The following SLC2A9 variants were observed in gnomAD, a reference collection of about 807,000 sequenced individuals.
The protein encoded by SLC2A9 is solute carrier family 2, facilitated glucose transporter member 9.
In SLC2A9, 39 loss-of-function variants were observed where a neutral mutation model predicts 50.6. The ratio of observed to expected loss-of-function variants is 0.77; its 90% CI spans 0.60 to 1.01. The LOEUF (loss-of-function observed/expected upper bound fraction) is 1.01. Among genes scored for constraint, SLC2A9 ranks in the 50% least tolerant of loss-of-function variants. The pLI is 0.00. For missense variants in SLC2A9, 686 were observed against 677.6 expected, an observed-to-expected ratio of 1.01 and a Z score of -0.14; for synonymous variants, 324 against 276.9, an observed-to-expected ratio of 1.17 and a Z score of -1.69.
chr4:9,801,836 C>T (rs1033283722), intron 3 of SLC2A9, among the ~76,000 whole-genome samples: 5 of 152,156 alleles, frequency 3.3e-5, no homozygotes, highest in South Asian at 2.1e-4. Flanking sequence ...ATAGGGAGAC[C>T]GGCCAAAGAG....
chr4:9,963,657 G>A (rs1444536127), intron 5 of SLC2A9, among the ~76,000 whole-genome samples: 1 of 152,146 alleles, frequency 6.6e-6, no homozygotes, highest in African/African-American at 2.4e-5. Context: ...CTGCTCGCTG[G>A]GTTTTGCAGG....
chr4:9,996,879 G>A lies in SLC2A9; in HGVS notation c.312C>T (p.Asp104=), dbSNP rs76019222. 2.2e-5 allele frequency: 35 copies of A among 1,614,172 alleles called. No individual in the cohort carries two copies. Among genetic ancestry groups the A allele is most frequent in the Admixed American group, 1.0e-4 (6 of 60,028 alleles). The part of the protein sequence containing the change: ...ERRHGRPIDP[D]TLTLLWSVTV... ...TCACAGACCAGAGCAAAGTCAGAGT[G>A]TCTGGGTCTATTGGACGTCCATGCC... Residue 104 remains aspartate, a synonymous_variant, in exon 3 of 12, where the codon GAC becomes GAT. Transcript: ENST00000264784.
At chr4:9,902,241 C>T (rs973037422) in intron 8 of SLC2A9, among the ~76,000 whole-genome samples, 3 of 152,208 alleles carry the variant, frequency 2.0e-5, no homozygotes, top group African/African-American at 4.8e-5. Context: ...GTGTGGGGTA[C>T]TCCCTTGTTA....
At chr4:9,919,529 G>A (rs1434306045) in intron 7 of SLC2A9, among the ~76,000 whole-genome samples, 1 of 150,334 alleles carries the variant, frequency 6.7e-6, no homozygotes, top group African/African-American at 2.5e-5. Flanking sequence ...CTGGTCTCAC[G>A]CTTATTTAGT....
chr4:9,869,614 G>A (rs1285327147), intron 10 of SLC2A9, among the ~76,000 whole-genome samples: 1 of 152,196 alleles, frequency 6.6e-6, no homozygotes, highest in East Asian at 1.9e-4. Context: ...TTGGCAATAT[G>A]TCAATTATTA....
downstream of SLC2A9, among the ~76,000 whole-genome samples, chr4:9,779,079 T>G (rs1380344745): frequency 6.6e-6 from 1 of 152,152 alleles, no homozygotes; most frequent in Non-Finnish European, 1.5e-5. Flanking sequence ...CTCATCACAC[T>G]TTCTAAACGA....
intron 6 of SLC2A9, among the ~76,000 whole-genome samples, chr4:9,938,844 C>T (rs76289526): frequency 0.013 from 1,940 of 152,224 alleles, 50 homozygotes; most frequent in African/African-American, 0.044. Context: ...TTCTCCTAAA[C>T]TGACAAGGGT....
chr4:9,823,957 GT>G (rs1336573652), downstream of SLC2A9, among the ~76,000 whole-genome samples: 8 of 152,112 alleles, frequency 5.3e-5, no homozygotes, highest in African/African-American at 1.7e-4. Context: ...GTGTCTTATT[GT>G]TTTATTTTTC....
At chr4:9,956,837 A>C (rs1216923816) in intron 5 of SLC2A9, among the ~76,000 whole-genome samples, 1 of 152,244 alleles carries the variant, frequency 6.6e-6, no homozygotes, top group Non-Finnish European at 1.5e-5. Flanking sequence ...TAAACGTGGC[A>C]GTACAGACAT....
chr4:9,834,739 G>T, intron 11 of SLC2A9, 142 bp downstream of exon 11: 1 of 1,349,090 alleles, frequency 7.4e-7, no homozygotes, highest in Non-Finnish European at 1.0e-6. Context: ...TTTGCCCAAA[G>T]CATAGTTTCT....
At chr4:9,968,768 T>C (rs1753439730) in intron 5 of SLC2A9, among the ~76,000 whole-genome samples, 1 of 152,214 alleles carries the variant, frequency 6.6e-6, no homozygotes, top group African/African-American at 2.4e-5. Context: ...TTTCATTGCC[T>C]TTTTAGTAAC....
chr4:9,795,389 G>A (rs1720475883), downstream of SLC2A9, among the ~76,000 whole-genome samples: 1 of 152,124 alleles, frequency 6.6e-6, no homozygotes, highest in Admixed American at 6.6e-5. Flanking sequence ...GAGAAAACTT[G>A]CTTGTAGGTG....
chr4:9,805,057 C>T (rs530570496), intron 3 of SLC2A9, among the ~76,000 whole-genome samples: 1 of 152,350 alleles, frequency 6.6e-6, no homozygotes, highest in African/African-American at 2.4e-5. Flanking sequence ...CCTGGCCTCG[C>T]CCTCTGCCGG....
Position 9,963,930 on chromosome 4 carries a change from G to T in SLC2A9, c.681+16662C>A, listed in dbSNP as rs540659999. Reference sequence around the variant, plus strand: ...GTCTCATTTAACAAACACCCAACACGCTTGTTAATTCCAATGTGCTGTCTA... The same window carrying T: ...GTCTCATTTAACAAACACCCAACACTCTTGTTAATTCCAATGTGCTGTCTA... On this transcript the variant is annotated intron_variant, in intron 5 of 11. Transcript: ENST00000264784. Among the ~76,000 whole-genome samples, 12 of 152,278 alleles carry T rather than the reference G, an allele frequency of 7.9e-5. No homozygotes were observed. In the South Asian group the frequency reaches 2.1e-3, roughly 26 times the overall value.
At chr4:10,030,076 C>A (rs1010474548) in intron 1 of SLC2A9, among the ~76,000 whole-genome samples, 2 of 151,926 alleles carry the variant, frequency 1.3e-5, no homozygotes, top group Non-Finnish European at 2.9e-5. Context: ...ATATGAATAC[C>A]CAAAACATGT....
downstream of SLC2A9, among the ~76,000 whole-genome samples, chr4:9,778,222 G>GC (rs1375979338): frequency 1.3e-5 from 2 of 151,714 alleles, no homozygotes; most frequent in African/African-American, 4.8e-5. Context: ...TAATTCTCCT[G>GC]CCTCAGCCAC....
intron 10 of SLC2A9, among the ~76,000 whole-genome samples, chr4:9,846,154 G>A (rs1728959005): frequency 6.6e-6 from 1 of 152,198 alleles, no homozygotes; most frequent in African/African-American, 2.4e-5. Flanking sequence ...CAAGAGATCC[G>A]GACCCAGGTA....
At chr4:9,854,930 T>A (rs1237072467) in intron 10 of SLC2A9, among the ~76,000 whole-genome samples, 1 of 152,090 alleles carries the variant, frequency 6.6e-6, no homozygotes, top group Non-Finnish European at 1.5e-5. Flanking sequence ...TTAAAAACCC[T>A]CCACAACTTG....
Position 9,826,259 on chromosome 4 carries a change from A to G in SLC2A9, c.*138T>C, listed in dbSNP as rs2109075061. The G allele has an allele frequency of 3.9e-6, 3 of 777,618 alleles. No individual in the cohort carries two copies. Among genetic ancestry groups the G allele is most frequent in the Non-Finnish European group, 6.4e-6 (3 of 465,314 alleles). 48.2% of individuals were successfully genotyped at this position (777,618 alleles called of 1,614,324 possible). ...ACAGGTTTACTTTTAAATATTTAAT[A>G]ATATAAAAGACTTGCATAGCTTCAA... On this transcript the variant is annotated 3_prime_UTR_variant, in exon 12 of 12. Transcript: ENST00000264784.
Sources: gnomAD v4.1 joint callset for allele counts (sites outside exome capture counted in the v4.1 genomes callset) on GRCh38, gnomAD v4.1.1 for gene constraint, MANE v1.5 for transcripts, NCBI Gene and HGNC (gene_info 2026-07-23, HGNC 2026-07-21) for gene names.